The following PRR16 variants were observed in gnomAD, a reference collection of about 807,000 sequenced individuals.
The protein encoded by PRR16 is protein Largen.
In PRR16, 6 loss-of-function variants were observed where a neutral mutation model predicts 18.2. That is an observed-to-expected ratio of 0.33 (90% CI 0.18 to 0.65). The LOEUF is 0.65. Ranked by LOEUF, PRR16 falls within the 30% of genes least tolerant of loss-of-function variation. PRR16 has a pLI of 0.74. For missense variants in PRR16, 412 were observed against 376.6 expected (o/e 1.09, Z -0.78); for synonymous variants, 151 against 147.8 (o/e 1.02, Z -0.16).
At chr5:120,523,586 A>T (rs986431062) in intron 1 of PRR16, among the ~76,000 whole-genome samples, 2 of 152,114 alleles carry the variant, frequency 1.3e-5, no homozygotes, top group African/African-American at 4.8e-5. Context: ...ATTATTTTAA[A>T]TTCTGATTTA....
the PRR16 span, among the ~76,000 whole-genome samples, chr5:120,708,128 TG>T: frequency 1.3e-5 from 2 of 152,246 alleles, no homozygotes; most frequent in African/African-American, 2.4e-5. Flanking sequence ...GTATTTCTGA[TG>T]ACAGTGAAAA....
chr5:120,729,436 T>C, the PRR16 span, among the ~76,000 whole-genome samples: 1 of 152,148 alleles, frequency 6.6e-6, no homozygotes, highest in Non-Finnish European at 1.5e-5. Flanking sequence ...ACATCTAGCC[T>C]TGTGATTGAC....
At chr5:120,770,274 A>G in the PRR16 span, among the ~76,000 whole-genome samples, 67 of 152,074 alleles carry the variant, frequency 4.4e-4, no homozygotes, top group East Asian at 0.011. Flanking sequence ...CAGAATAGAC[A>G]GCCCATAAAT....
Position 120,671,618 on chromosome 5 carries a change from A to G in PRR16, c.160-14336A>G, listed in dbSNP as rs1580862716. Among the ~76,000 whole-genome samples the G allele has an allele frequency of 2.6e-5, 4 of 152,300 alleles. No individual in the cohort carries two copies. The East Asian group carries it at 5.8e-4, about 22-fold the overall frequency. ...TTTACTAAAATTTGCCTTCCTTTGCATTGTATACTAAACATTTTGCTCAGT... is the reference window on the plus strand; with the variant it reads ...TTTACTAAAATTTGCCTTCCTTTGCGTTGTATACTAAACATTTTGCTCAGT... On this transcript the variant is annotated intron_variant, in intron 1 of 1. Transcript: ENST00000407149.
chr5:120,509,528 TTATC>T (rs1750753464), intron 1 of PRR16, among the ~76,000 whole-genome samples: 1 of 152,122 alleles, frequency 6.6e-6, no homozygotes, highest in Admixed American at 6.6e-5. Context: ...CACTGAGAAT[TTATC>T]TATCCATTGC....
At chr5:120,465,616 C>G (rs1393196480) in intron 1 of PRR16, 3 of 152,902 alleles carry the variant, frequency 2.0e-5, no homozygotes, top group African/African-American at 7.2e-5. Context: ...GGGGTGGGGT[C>G]TCCCGAGCCA....
At chr5:120,600,059 T>A (rs1477128250) in intron 1 of PRR16, among the ~76,000 whole-genome samples, 4 of 151,954 alleles carry the variant, frequency 2.6e-5, no homozygotes, top group African/African-American at 9.7e-5. Context: ...TTCTGAAGCA[T>A]AACACTTCTG....
the PRR16 span, among the ~76,000 whole-genome samples, chr5:120,702,544 C>T: frequency 6.6e-6 from 1 of 152,058 alleles, no homozygotes; most frequent in Admixed American, 6.5e-5. Context: ...CCAAGGCAGG[C>T]GTCCCTGCGT....
intron 1 of PRR16, among the ~76,000 whole-genome samples, chr5:120,671,085 T>C (rs1302518874): frequency 6.6e-6 from 1 of 152,148 alleles, no homozygotes; most frequent in Non-Finnish European, 1.5e-5. Context: ...GCTTGCCTGC[T>C]TATTTACTAA....
At chr5:120,504,476 G>T (rs1018893988) in intron 1 of PRR16, among the ~76,000 whole-genome samples, 4 of 151,982 alleles carry the variant, frequency 2.6e-5, no homozygotes, top group African/African-American at 9.7e-5. Context: ...TTCATCTACT[G>T]TCTTGAGACT....
chr5:120,533,884 T>C (rs1000716428), intron 1 of PRR16, among the ~76,000 whole-genome samples: 5 of 152,308 alleles, frequency 3.3e-5, no homozygotes, highest in African/African-American at 1.2e-4. Context: ...GAAAATAGCC[T>C]GCAGGTAGTG....
At position 120,655,597 on chromosome 5, in the gene PRR16, G is replaced by A. The variant is rs79510933; in HGVS notation, c.160-30357G>A. 4.4e-3 allele frequency among the ~76,000 whole-genome samples: 671 copies of A among 151,758 alleles called. 5 individuals are homozygous for A. The highest frequency in any genetic ancestry group is 0.015 in the African/African-American group (629 of 41,444). ...CCCAAAATATTTCTTTACTCAATTT[G>A]TCTTATGAAAACTCACGGATATGGT... On this transcript the variant is annotated intron_variant, in intron 1 of 1. Transcript: ENST00000407149.
intron 1 of PRR16, among the ~76,000 whole-genome samples, chr5:120,470,955 A>C (rs963428178): frequency 6.6e-6 from 1 of 152,138 alleles, no homozygotes; most frequent in African/African-American, 2.4e-5. Flanking sequence ...AAAAGCTTTA[A>C]AATTCTCAAT....
chr5:120,578,338 A>G (rs1000957487), intron 1 of PRR16, among the ~76,000 whole-genome samples: 2 of 152,188 alleles, frequency 1.3e-5, no homozygotes, highest in African/African-American at 4.8e-5. Flanking sequence ...TTACATAGGT[A>G]TATGGGTGCC....
chr5:120,603,537 A>T (rs909359913), intron 1 of PRR16, among the ~76,000 whole-genome samples: 1 of 151,378 alleles, frequency 6.6e-6, no homozygotes, highest in African/African-American at 2.4e-5. Context: ...TGTTATGTGG[A>T]TATTCTTGTC....
chr5:120,714,324 A>G, the PRR16 span, among the ~76,000 whole-genome samples: 2 of 152,192 alleles, frequency 1.3e-5, no homozygotes, highest in East Asian at 3.9e-4. Flanking sequence ...CCTTTTGCCA[A>G]CATTGACTTG....
At chr5:120,620,567 C>T (rs539026618) in intron 1 of PRR16, among the ~76,000 whole-genome samples, 13 of 152,256 alleles carry the variant, frequency 8.5e-5, no homozygotes, top group South Asian at 4.1e-4. Context: ...GAGAGTACTA[C>T]ATTTTGTTAT....
At chr5:120,598,167 A>G (rs1753872766) in intron 1 of PRR16, among the ~76,000 whole-genome samples, 2 of 151,884 alleles carry the variant, frequency 1.3e-5, no homozygotes, top group East Asian at 1.9e-4. Flanking sequence ...CTGCCTTTCT[A>G]TGTATTTGGA....
At chr5:120,755,714 G>A in the PRR16 span, among the ~76,000 whole-genome samples, 1 of 152,048 alleles carries the variant, frequency 6.6e-6, no homozygotes, top group Admixed American at 6.6e-5. Context: ...TGCCTTTCTG[G>A]TAGAATTATT....
Sources: gnomAD v4.1 joint callset for allele counts (sites outside exome capture counted in the v4.1 genomes callset) on GRCh38, gnomAD v4.1.1 for gene constraint, MANE v1.5 for transcripts, NCBI Gene and HGNC (gene_info 2026-07-23, HGNC 2026-07-21) for gene names.